Variants in RELN observed in about 807,000 individuals in gnomAD.
RELN encodes the protein reelin.
RELN carries 108 observed loss-of-function variants against 427.6 expected under a neutral mutation model. The observed-to-expected ratio is 0.25, with a 90% CI of 0.22 to 0.30. The LOEUF is 0.30. Ranked by LOEUF, RELN falls within the 10% of genes least tolerant of loss-of-function variation. The pLI, the probability that RELN is intolerant of heterozygous loss-of-function variation, is 1.00. For missense variants in RELN, 3,715 were observed against 4,302.8 expected, an observed-to-expected ratio of 0.86 and a Z score of 3.82; for synonymous variants, 1,524 against 1,513.4, an observed-to-expected ratio of 1.01 and a Z score of -0.16.
chr7:103,904,425 C>T (rs1285209514), intron 2 of RELN, among the ~76,000 whole-genome samples: 7 of 152,082 alleles, frequency 4.6e-5, no homozygotes, highest in South Asian at 2.1e-4. Context: ...CTTAGGGGAT[C>T]GCCACACTGT....
chr7:103,520,209 T>C (rs1204287959), intron 48 of RELN, among the ~76,000 whole-genome samples: 1 of 152,124 alleles, frequency 6.6e-6, no homozygotes, highest in East Asian at 1.9e-4. Flanking sequence ...CTATCTCCAG[T>C]TATTTTCAGA....
intron 52 of RELN, among the ~76,000 whole-genome samples, chr7:103,501,249 TCC>T (rs1829017677): frequency 6.6e-6 from 1 of 152,172 alleles, no homozygotes; most frequent in Non-Finnish European, 1.5e-5. Context: ...GAATTGGAGT[TCC>T]GTGGTCATGA....
At position 103,989,438 on chromosome 7, in the gene RELN, A is replaced by G; in HGVS notation, c.-82T>C. Reference sequence around the variant, plus strand: ...TTGGAGACGCCGGGACGGAGGAGCCACGCGGAGAGAAGGCGAGAAGAAGGC... The same window carrying G: ...TTGGAGACGCCGGGACGGAGGAGCCGCGCGGAGAGAAGGCGAGAAGAAGGC... On this transcript the variant is annotated 5_prime_UTR_variant, in exon 1 of 65. Transcript: ENST00000428762. The surrounding 1 kb of genome is among the most constrained non-coding windows in gnomAD (Gnocchi z 4.9). 4.1e-6 allele frequency: 5 copies of G among 1,211,796 alleles called. No individual in the cohort carries two copies. Among genetic ancestry groups the G allele is most frequent in the Non-Finnish European group, 5.3e-6 (5 of 934,780 alleles). The allele number at this position is 1,211,796 out of a possible 1,614,324, so 75.1% of individuals were successfully genotyped here. A position where few individuals can be genotyped will look rare whatever the true frequency, so the allele number is the denominator to read the frequency against.
chr7:103,775,467 A>C (rs559467053), intron 4 of RELN, among the ~76,000 whole-genome samples: 3 of 152,330 alleles, frequency 2.0e-5, no homozygotes, highest in South Asian at 4.1e-4. Context: ...CTAATAATAA[A>C]TGGTATTTTC....
At chr7:103,730,101 A>C (rs892370541) in intron 6 of RELN, among the ~76,000 whole-genome samples, 11 of 152,096 alleles carry the variant, frequency 7.2e-5, no homozygotes, top group African/African-American at 2.7e-4. Context: ...TAAGAGAAAC[A>C]TCAACTTTGA....
intron 25 of RELN, 131 bp from the exon 26 acceptor site, chr7:103,594,623 C>T (rs2117250841): frequency 1.0e-6 from 1 of 964,142 alleles, no homozygotes; most frequent in South Asian, 1.5e-5. Flanking sequence ...TTCCAAAAGC[C>T]CGTAAGTTTG....
intron 2 of RELN, among the ~76,000 whole-genome samples, chr7:103,856,671 G>T (rs1330218297): frequency 6.6e-6 from 1 of 151,742 alleles, no homozygotes; most frequent in Non-Finnish European, 1.5e-5. Context: ...ATCGTATATA[G>T]GAGTAAGCAT....
At chr7:103,743,000 G>A (rs1048243629) in intron 6 of RELN, among the ~76,000 whole-genome samples, 1 of 150,476 alleles carries the variant, frequency 6.6e-6, no homozygotes, top group African/African-American at 2.5e-5. Flanking sequence ...AAATGTTAAG[G>A]GCAGCCAGAG....
chr7:103,810,886 A>G (rs1409741102), intron 3 of RELN, among the ~76,000 whole-genome samples: 1 of 152,182 alleles, frequency 6.6e-6, no homozygotes, highest in Non-Finnish European at 1.5e-5. Context: ...ACAAGAAAGG[A>G]ACTGACTTTC....
intron 1 of RELN, among the ~76,000 whole-genome samples, chr7:103,950,832 T>C (rs773904686): frequency 3.9e-5 from 6 of 152,224 alleles, no homozygotes; most frequent in Non-Finnish European, 7.3e-5. Context: ...ACTGAAACAT[T>C]ACTGAAAATA....
intron 45 of RELN, among the ~76,000 whole-genome samples, chr7:103,537,462 C>G (rs1005416278): frequency 6.6e-6 from 1 of 152,142 alleles, no homozygotes; most frequent in Non-Finnish European, 1.5e-5. Context: ...TTCTTAAGGC[C>G]CTTCTTAATT....
intron 2 of RELN, among the ~76,000 whole-genome samples, chr7:103,869,208 T>C (rs936943226): frequency 3.3e-5 from 5 of 152,080 alleles, no homozygotes; most frequent in African/African-American, 1.2e-4. Context: ...CAGGGTCAGG[T>C]GTGAAGTGAT....
chr7:103,858,973 A>G lies in RELN; in HGVS notation c.338-25301T>C, dbSNP rs75644449. Among the ~76,000 whole-genome samples, 649 of 152,302 alleles carry G rather than the reference A, an allele frequency of 4.3e-3. 1 individual carries two copies. Among genetic ancestry groups the G allele is most frequent in the Middle Eastern group, 0.01 (3 of 294 alleles). ...GCCTAGAGAACAGAGAAAGAAGAAG[A>G]CTGGAGGTGAAAGACCTCAATTCCA... On this transcript the variant is annotated intron_variant, in intron 2 of 64. Coordinates refer to ENST00000428762, the MANE Select transcript of RELN (RefSeq NM_005045.4).
intron 25 of RELN, among the ~76,000 whole-genome samples, chr7:103,595,704 T>C (rs1456124518): frequency 6.6e-6 from 1 of 152,062 alleles, no homozygotes. Flanking sequence ...AAAAAATTAT[T>C]TTTTTGTTAA....
chr7:103,606,878 T>C (rs1307463491), intron 22 of RELN, among the ~76,000 whole-genome samples: 2 of 152,074 alleles, frequency 1.3e-5, no homozygotes, highest in Non-Finnish European at 2.9e-5. Context: ...CCCCTTCCTG[T>C]GTCCATGTGT....
intron 4 of RELN, among the ~76,000 whole-genome samples, chr7:103,772,752 G>T (rs1791601395): frequency 6.6e-6 from 1 of 152,166 alleles, no homozygotes; most frequent in Non-Finnish European, 1.5e-5. Flanking sequence ...GGTGCATTCA[G>T]GGAGTTTTAA....
intron 52 of RELN, 49 bp downstream of exon 52, chr7:103,502,967 G>A (rs762512755): frequency 1.4e-6 from 2 of 1,467,352 alleles, no homozygotes; most frequent in Admixed American, 3.4e-5. Context: ...ACCTAATGGT[G>A]TACCTTCTGG....
At chr7:103,864,670 A>G (rs553842699) in intron 2 of RELN, among the ~76,000 whole-genome samples, 53 of 152,302 alleles carry the variant, frequency 3.5e-4, no homozygotes, top group African/African-American at 1.2e-3. Flanking sequence ...AACTAGAAAA[A>G]GGGCAAACTA....
chr7:103,967,200 A>G (rs1382631989), intron 1 of RELN, among the ~76,000 whole-genome samples: 1 of 152,054 alleles, frequency 6.6e-6, no homozygotes, highest in African/African-American at 2.4e-5. Context: ...ATGGAGACCA[A>G]TTCCAAAGCC....
Sources: allele counts gnomAD v4.1 joint callset (sites outside exome capture counted in the v4.1 genomes callset), GRCh38; gene constraint gnomAD v4.1.1; non-coding constraint Gnocchi (gnomAD v3.1); transcripts MANE v1.5; gene names NCBI Gene and HGNC (gene_info 2026-07-23, HGNC 2026-07-21).